NPHP1: variants seen among roughly 807,000 people sequenced by gnomAD.
NPHP1 encodes nephrocystin 1.
NPHP1 carries 70 observed loss-of-function variants against 90.4 expected under a neutral mutation model. The observed-to-expected ratio is 0.77, with a 90% CI of 0.64 to 0.95. The LOEUF is 0.95. NPHP1 is among the 40% of genes least tolerant of loss of function. The probability of loss-of-function intolerance (pLI) is 0.00; values close to 1 mark genes in which losing one functional copy is unlikely to be tolerated. For missense variants in NPHP1, 764 were observed against 795.9 expected, an observed-to-expected ratio of 0.96 and a Z score of 0.48; for synonymous variants, 256 against 271.7, an observed-to-expected ratio of 0.94 and a Z score of 0.57.
intron 16 of NPHP1, among the ~76,000 whole-genome samples, chr2:110,133,436 A>G (rs532571579): frequency 1.3e-5 from 2 of 152,264 alleles, no homozygotes; most frequent in East Asian, 3.9e-4. Context: ...GGAGCAATAC[A>G]TAGATCTATA....
chr2:110,132,389 T>A (rs13421489), intron 16 of NPHP1, among the ~76,000 whole-genome samples: 12 of 152,174 alleles, frequency 7.9e-5, no homozygotes, highest in East Asian at 3.9e-4. Flanking sequence ...GCATGGTGGC[T>A]CACACCTGTA....
At chr2:110,200,915 T>C (rs1685534495) in intron 2 of NPHP1, among the ~76,000 whole-genome samples, 2 of 152,204 alleles carry the variant, frequency 1.3e-5, no homozygotes, top group Admixed American at 1.3e-4. Flanking sequence ...AATCCTTAAA[T>C]ATCTCAAAAA....
intron 11 of NPHP1, among the ~76,000 whole-genome samples, chr2:110,157,523 A>T (rs1444044724): frequency 3.3e-5 from 5 of 152,120 alleles, no homozygotes; most frequent in Non-Finnish European, 5.9e-5. Flanking sequence ...TGCAAAACCA[A>T]GCCCATGTCA....
At chr2:110,131,837 T>C (rs1301008018) in intron 16 of NPHP1, 46 bp from the exon 17 acceptor site, 4 of 1,185,416 alleles carry the variant, frequency 3.4e-6, no homozygotes, top group South Asian at 1.3e-5. Flanking sequence ...TCCCCTACAA[T>C]CCAACTTATA....
At chr2:110,184,569 C>A in intron 2 of NPHP1, 1 of 1,305,314 alleles carries the variant, frequency 7.7e-7, no homozygotes. Context: ...GCCCATCTAT[C>A]AGGGCTTTGC....
chr2:110,143,644 T>C lies in NPHP1; in HGVS notation c.1430-3A>G. 2 of 1,608,532 alleles carry C rather than the reference T, an allele frequency of 1.2e-6. No homozygotes were observed. Among genetic ancestry groups the C allele is most frequent in the South Asian group, 1.1e-5 (1 of 90,962 alleles). On this transcript the variant is annotated splice_polypyrimidine_tract_variant and splice_region_variant and intron_variant, in intron 15 of 19. Coordinates refer to ENST00000445609, the MANE Select transcript of NPHP1 (RefSeq NM_001128178.3). ...CTGGTAGAAAACACTGCCGTGTGCT[T>C]TTAAGAAAAATCAAAAGTAACTCAC...
chr2:110,192,532 T>C (rs1161788762), intron 2 of NPHP1, among the ~76,000 whole-genome samples: 3 of 152,152 alleles, frequency 2.0e-5, no homozygotes, highest in Non-Finnish European at 4.4e-5. Flanking sequence ...TACATCTGAT[T>C]GGTGTACCTG....
chr2:110,143,492 A>C, intron 16 of NPHP1, 50 bp downstream of exon 16: 1 of 1,234,246 alleles, frequency 8.1e-7, no homozygotes, highest in Non-Finnish European at 1.2e-6. Flanking sequence ...GATGGTCTCC[A>C]AGTGCTGAAT....
rs755476793 is a variant in NPHP1 at position 110,169,901 on chromosome 2, T to C, written c.427A>G (p.Lys143Glu). 6.2e-7 allele frequency: 1 copy of C among 1,612,358 alleles called. No homozygotes were observed. The highest frequency in any genetic ancestry group is 1.1e-5 in the South Asian group (1 of 91,036). Residue 143 changes from lysine to glutamate, a missense_variant, in exon 5 of 20, where the codon AAA becomes GAA. Coordinates refer to ENST00000445609, the MANE Select transcript of NPHP1 (RefSeq NM_001128178.3). ...EEDAEEEEEE[K>E]EENESHKWST... Reference sequence around the variant, plus strand: ...CATTTGTGAGATTCATTTTCCTCTTTCTCTTCCTCTTCCTCCTCTGCATCT... The same window carrying C: ...CATTTGTGAGATTCATTTTCCTCTTCCTCTTCCTCTTCCTCCTCTGCATCT...
chr2:110,139,265 T>A (rs1453287217), intron 16 of NPHP1, among the ~76,000 whole-genome samples: 1 of 152,068 alleles, frequency 6.6e-6, no homozygotes, highest in Non-Finnish European at 1.5e-5. Flanking sequence ...GGTTTCTTGA[T>A]ATTTAGAACT....
At chr2:110,194,579 C>G (rs981692260) in intron 2 of NPHP1, among the ~76,000 whole-genome samples, 1 of 152,080 alleles carries the variant, frequency 6.6e-6, no homozygotes, top group Non-Finnish European at 1.5e-5. Context: ...ACCAGAGGTA[C>G]AAGGAGGAGC....
At chr2:110,170,089 C>T (rs1161854740) in intron 4 of NPHP1, 91 bp from the exon 5 acceptor site, 5 of 1,483,968 alleles carry the variant, frequency 3.4e-6, no homozygotes, top group Middle Eastern at 1.7e-4. Flanking sequence ...CATGAATATC[C>T]CATATTTGGA....
chr2:110,175,082 A>C (rs1246334967), intron 4 of NPHP1, among the ~76,000 whole-genome samples: 2 of 152,096 alleles, frequency 1.3e-5, no homozygotes, highest in Non-Finnish European at 2.9e-5. Flanking sequence ...TTGTGACCAG[A>C]GGCTCACAGG....
chr2:110,151,409 T>A (rs1681463894), intron 11 of NPHP1, among the ~76,000 whole-genome samples: 1 of 152,152 alleles, frequency 6.6e-6, no homozygotes, highest in Non-Finnish European at 1.5e-5. Flanking sequence ...GAATGAAGAA[T>A]TCAAATTCTA....
chr2:110,163,688 T>A (rs980283034), intron 8 of NPHP1: 1 of 159,174 alleles, frequency 6.3e-6, no homozygotes, highest in Admixed American at 5.9e-5. Flanking sequence ...TGAGACGGAG[T>A]CTCACTCTGT....
chr2:110,128,919 G>C (rs1255218896), intron 18 of NPHP1: 7 of 490,178 alleles, frequency 1.4e-5, no homozygotes, highest in Non-Finnish European at 2.2e-5. Context: ...CACAATCAGT[G>C]GCCATCCTAA....
At chr2:110,146,209 T>C (rs1045856365) in intron 14 of NPHP1, among the ~76,000 whole-genome samples, 1 of 152,200 alleles carries the variant, frequency 6.6e-6, no homozygotes, top group African/African-American at 2.4e-5. Context: ...CATTTTAAAA[T>C]TTAGATGATC....
At chr2:110,203,614 G>A (rs1351782008) in intron 1 of NPHP1, among the ~76,000 whole-genome samples, 1 of 151,700 alleles carries the variant, frequency 6.6e-6, no homozygotes, top group African/African-American at 2.4e-5. Flanking sequence ...AACAAAAATG[G>A]ATAAAATATG....
chr2:110,129,110 G>GACCAGATT (rs2104428280), intron 18 of NPHP1, 76 bp downstream of exon 18: 2 of 1,023,066 alleles, frequency 2.0e-6, no homozygotes, highest in South Asian at 1.4e-5. Context: ...AAAAGGCCTA[G>GACCAGATT]ACAGAACTCA....
Sources: gnomAD v4.1 joint callset for allele counts (sites outside exome capture counted in the v4.1 genomes callset) on GRCh38, gnomAD v4.1.1 for gene constraint, MANE v1.5 for transcripts, NCBI Gene and HGNC (gene_info 2026-07-23, HGNC 2026-07-21) for gene names.